The following BNC2 variants were observed in gnomAD, a reference collection of about 807,000 sequenced individuals.
BNC2 encodes the protein basonuclin zinc finger protein 2.
Under a neutral mutation model 76.3 loss-of-function variants are expected in BNC2, and 20 were observed. That is an observed-to-expected ratio of 0.26 (90% CI 0.18 to 0.38). The LOEUF (loss-of-function observed/expected upper bound fraction) is 0.38. BNC2 is among the 10% of genes least tolerant of loss of function. BNC2 has a pLI of 1.00. For missense variants in BNC2, 1,382 were observed against 1,399.8 expected, an observed-to-expected ratio of 0.99 and a Z score of 0.20; for synonymous variants, 582 against 514.8, an observed-to-expected ratio of 1.13 and a Z score of -1.77.
intron 3 of BNC2, among the ~76,000 whole-genome samples, chr9:16,658,748 T>C (rs1051486680): frequency 9.2e-5 from 14 of 152,142 alleles, no homozygotes; most frequent in Non-Finnish European, 2.9e-5. Flanking sequence ...TTACCAACTA[T>C]CCCAGAACAG....
At chr9:16,464,690 G>A (rs1821666453) in intron 5 of BNC2, among the ~76,000 whole-genome samples, 1 of 152,116 alleles carries the variant, frequency 6.6e-6, no homozygotes, top group Non-Finnish European at 1.5e-5. Context: ...CATAGTAGCT[G>A]TGACTACAGG....
At chr9:16,555,043 G>A (rs545801450) in intron 4 of BNC2, among the ~76,000 whole-genome samples, 4 of 138,742 alleles carry the variant, frequency 2.9e-5, no homozygotes, top group South Asian at 2.1e-4. Context: ...TTTTTAAGAC[G>A]GAGTCTCGCT....
At chr9:16,664,952 G>C in intron 3 of BNC2, 1 of 327,298 alleles carries the variant, frequency 3.1e-6, no homozygotes, top group South Asian at 2.3e-5. Flanking sequence ...AGAATAGGCA[G>C]GTTATAGGCA....
chr9:16,650,618 G>C (rs1450316211), intron 3 of BNC2, among the ~76,000 whole-genome samples: 2 of 151,714 alleles, frequency 1.3e-5, no homozygotes, highest in African/African-American at 4.9e-5. Context: ...TGGCATTTCA[G>C]ACCAAAGTCT....
In BNC2 at chr9:16,759,686, A is replaced by G. The variant is rs148890688; in HGVS notation, c.4-21201T>C. On this transcript the variant is annotated intron_variant, in intron 1 of 6. Transcript: ENST00000380672. ...TCACAACTGAAGGTAGAAGTCACAT[A>G]AATATCATAGAATACCTCAATTTTT... is the stretch of plus-strand genomic sequence containing the variant. 8.5e-5 allele frequency among the ~76,000 whole-genome samples: 13 copies of G among 152,140 alleles called. No homozygotes were observed. In the East Asian group the frequency reaches 2.5e-3, roughly 29 times the overall value.
rs773133874 is a variant in BNC2 at position 16,419,051 on chromosome 9, G to A, written c.3238C>T (p.Arg1080Ter). Reference sequence around the variant, plus strand: ...TTAGGGTTCTGACTGTGCCGATTTCGGCTTCGTACAGAGGAAAACATCATA... The same window carrying A: ...TTAGGGTTCTGACTGTGCCGATTTCAGCTTCGTACAGAGGAAAACATCATA... The part of the protein sequence containing the change: ...CNMMFSSVRS[R>*]NRHSQNPNLH... Residue 1080 changes from arginine to a stop codon, truncating the protein, a stop_gained, in exon 7 of 7, where the codon CGA becomes TGA. Transcript: ENST00000380672. LOFTEE classifies it high-confidence loss of function. 2 of 1,614,116 alleles carry A rather than the reference G, an allele frequency of 1.2e-6. No homozygotes were observed. Among genetic ancestry groups the A allele is most frequent in the Non-Finnish European group, 1.7e-6 (2 of 1,180,024 alleles).
intron 5 of BNC2, among the ~76,000 whole-genome samples, chr9:16,521,974 A>G (rs1257480968): frequency 2.6e-5 from 4 of 152,280 alleles, no homozygotes; most frequent in African/African-American, 9.6e-5. Flanking sequence ...AGAGGCACTC[A>G]CTCATTATAT....
intron 3 of BNC2, among the ~76,000 whole-genome samples, chr9:16,596,556 G>A (rs897702045): frequency 5.9e-5 from 9 of 152,088 alleles, no homozygotes; most frequent in African/African-American, 2.2e-4. Flanking sequence ...GACAGAATAT[G>A]GATACTGGCA....
At chr9:16,833,623 T>C (rs1818634425) in intron 1 of BNC2, among the ~76,000 whole-genome samples, 1 of 152,176 alleles carries the variant, frequency 6.6e-6, no homozygotes, top group South Asian at 2.1e-4. Context: ...CCTCACATGC[T>C]GGGAATTGCT....
At chr9:16,478,898 G>A (rs1242682967) in intron 5 of BNC2, among the ~76,000 whole-genome samples, 1 of 152,140 alleles carries the variant, frequency 6.6e-6, no homozygotes, top group Admixed American at 6.5e-5. Flanking sequence ...TTAAACAGAT[G>A]ACCAATAAGC....
rs542177828 is a variant in BNC2 at position 16,462,515 on chromosome 9, A to G, written c.670-24991T>C. ...AAAATGATTAACACGAAGAGCCAAA[A>G]GACAAAGTTTGGAGAAAAGTAAGAG... On this transcript the variant is annotated intron_variant, in intron 5 of 6. Coordinates refer to ENST00000380672, the MANE Select transcript of BNC2 (RefSeq NM_017637.6). 5.9e-5 allele frequency among the ~76,000 whole-genome samples: 9 copies of G among 152,334 alleles called. No individual in the cohort carries two copies. In the East Asian group the frequency reaches 1.7e-3, roughly 29 times the overall value.
chr9:16,708,027 C>T (rs146941381), intron 3 of BNC2, among the ~76,000 whole-genome samples: 14 of 152,160 alleles, frequency 9.2e-5, no homozygotes, highest in Admixed American at 6.5e-4. Flanking sequence ...ACAAATACCA[C>T]GATGAAAACT....
chr9:16,814,518 A>C (rs919489680), intron 1 of BNC2, among the ~76,000 whole-genome samples: 1 of 152,230 alleles, frequency 6.6e-6, no homozygotes, highest in African/African-American at 2.4e-5. Flanking sequence ...TAAATTATCC[A>C]AGTTTGTATT....
intron 1 of BNC2, among the ~76,000 whole-genome samples, chr9:16,778,522 T>C (rs573464839): frequency 1.1e-4 from 17 of 152,216 alleles, no homozygotes; most frequent in Non-Finnish European, 2.2e-4. Context: ...GGACAATCTA[T>C]TAAGCACATA....
In BNC2 at chr9:16,811,840, G is replaced by A. The variant is rs185224555; in HGVS notation, c.3+58806C>T. ...GCAGTAAAACATTGGTGGGCCTGAT[G>A]GTTTCTACAAAGCTGTCTTGAGTTG... On this transcript the variant is annotated intron_variant, in intron 1 of 6. Transcript: ENST00000380672. Among the ~76,000 whole-genome samples, 665 of 152,314 alleles carry A rather than the reference G, an allele frequency of 4.4e-3. 4 individuals carry two copies. The highest frequency in any genetic ancestry group is 0.015 in the African/African-American group (628 of 41,564).
At chr9:16,688,110 T>C (rs373727162) in intron 3 of BNC2, among the ~76,000 whole-genome samples, 1 of 152,132 alleles carries the variant, frequency 6.6e-6, no homozygotes, top group African/African-American at 2.4e-5. Context: ...AAATCAAAAT[T>C]GGTTCACAAA....
intron 3 of BNC2, among the ~76,000 whole-genome samples, chr9:16,654,029 A>G (rs1470079956): frequency 2.0e-5 from 3 of 151,998 alleles, no homozygotes; most frequent in Non-Finnish European, 4.4e-5. Context: ...GTCACTCAAT[A>G]AATCACACCT....
chr9:16,824,062 G>A (rs1586913272), intron 1 of BNC2, among the ~76,000 whole-genome samples: 1 of 152,060 alleles, frequency 6.6e-6, no homozygotes, highest in Non-Finnish European at 1.5e-5. Flanking sequence ...ACTAATTCCT[G>A]GAAAATCTAC....
chr9:16,589,921 C>A (rs935340947), intron 3 of BNC2, among the ~76,000 whole-genome samples: 1 of 152,120 alleles, frequency 6.6e-6, no homozygotes, highest in Middle Eastern at 3.2e-3. Flanking sequence ...TAGTTAAGTA[C>A]ATGACCTACA....
Sources: allele counts gnomAD v4.1 joint callset (sites outside exome capture counted in the v4.1 genomes callset), GRCh38; gene constraint gnomAD v4.1.1; transcripts MANE v1.5; gene names NCBI Gene and HGNC (gene_info 2026-07-23, HGNC 2026-07-21).